RIN3: variants seen among roughly 807,000 people sequenced by gnomAD.
RIN3 encodes the protein RAB5 interacting protein 3.
RIN3 carries 54 observed loss-of-function variants against 76.3 expected under a neutral mutation model. The observed-to-expected ratio is 0.71, with a 90% CI of 0.57 to 0.89. The LOEUF (loss-of-function observed/expected upper bound fraction) is 0.89, where lower values mean the gene tolerates loss of function less well. RIN3 is among the 40% of genes least tolerant of loss of function. The pLI is 0.00. For missense variants in RIN3, 1,256 were observed against 1,322.1 expected, an observed-to-expected ratio of 0.95 and a Z score of 0.78; for synonymous variants, 576 against 564.0, an observed-to-expected ratio of 1.02 and a Z score of -0.30.
intron 2 of RIN3, among the ~76,000 whole-genome samples, chr14:92,558,887 C>CT (rs61202055): frequency 0.34 from 43,973 of 130,538 alleles, 8,724 homozygotes; most frequent in East Asian, 0.77. Context: ...CTTTTCTTTT[C>CT]TTTTTTTTTT....
intron 2 of RIN3, among the ~76,000 whole-genome samples, chr14:92,574,624 C>T (rs1334462936): frequency 3.3e-5 from 5 of 152,174 alleles, no homozygotes; most frequent in Non-Finnish European, 4.4e-5. Context: ...GACTCTGTTA[C>T]CCTCACTATC....
Position 92,653,113 on chromosome 14 carries a change from C to T in RIN3, c.2026+38C>T, listed in dbSNP as rs377592011. Reference sequence around the variant, plus strand: ...GGAGGAGGTGGCAGGGAGGAGAGGGCGGTGGGGCTCACAGACTCAGGAACC... The same window carrying T: ...GGAGGAGGTGGCAGGGAGGAGAGGGTGGTGGGGCTCACAGACTCAGGAACC... On this transcript the variant is annotated intron_variant, in intron 6 of 9. Coordinates refer to ENST00000216487, the MANE Select transcript of RIN3 (RefSeq NM_024832.5). 26 of 1,561,078 alleles carry T rather than the reference C, an allele frequency of 1.7e-5. No homozygotes were observed. The African/African-American group carries it at 1.8e-4, about 11-fold the overall frequency.
intron 4 of RIN3, among the ~76,000 whole-genome samples, chr14:92,630,020 C>T (rs922192799): frequency 6.6e-6 from 1 of 152,174 alleles, no homozygotes; most frequent in Admixed American, 6.5e-5. Context: ...GTGGAAGAAG[C>T]CTAACAGTGT....
In RIN3 at chr14:92,688,522, G is replaced by A. The variant is rs529695851; in HGVS notation, c.*270G>A. ...TGAGGCTCAGGAGAGAGGCGCTCCA[G>A]GCCGCTGCAGCCAACAAACCGGCGC... On this transcript the variant is annotated 3_prime_UTR_variant, in exon 10 of 10. Coordinates refer to ENST00000216487, the MANE Select transcript of RIN3 (RefSeq NM_024832.5). The A allele has an allele frequency of 2.0e-6, 1 of 510,548 alleles. No homozygotes were observed. Among genetic ancestry groups the A allele is most frequent in the African/African-American group, 2.0e-5 (1 of 50,058 alleles). The allele number at this position is 510,548 out of a possible 1,614,324, so 31.6% of individuals were successfully genotyped here.
chr14:92,687,606 A>C, intron 9 of RIN3: 1 of 384,548 alleles, frequency 2.6e-6, no homozygotes, highest in Non-Finnish European at 4.7e-6. Flanking sequence ...GGAGGGAGGG[A>C]GGGAGGGAAT....
intron 1 of RIN3, among the ~76,000 whole-genome samples, chr14:92,543,259 G>A (rs1230744944): frequency 6.6e-6 from 1 of 152,058 alleles, no homozygotes; most frequent in African/African-American, 2.4e-5. Flanking sequence ...GGCTTTATGG[G>A]GGGTGGGGGG....
chr14:92,641,817 G>C, intron 5 of RIN3, among the ~76,000 whole-genome samples: 1 of 152,236 alleles, frequency 6.6e-6, no homozygotes, highest in Non-Finnish European at 1.5e-5. Flanking sequence ...GAGGGGTAAA[G>C]AGGGGAGAGG....
intron 1 of RIN3, among the ~76,000 whole-genome samples, chr14:92,531,866 G>A (rs1896889008): frequency 1.3e-5 from 2 of 151,004 alleles, no homozygotes; most frequent in South Asian, 2.1e-4. Context: ...CGCCCCCCTA[G>A]TTATTTTAAA....
intron 2 of RIN3, among the ~76,000 whole-genome samples, chr14:92,573,914 G>A (rs969711901): frequency 6.6e-6 from 1 of 152,198 alleles, no homozygotes; most frequent in Non-Finnish European, 1.5e-5. Flanking sequence ...TCCAAGTAGG[G>A]TGACAATTTG....
At chr14:92,540,226 C>A (rs1897101293) in intron 1 of RIN3, among the ~76,000 whole-genome samples, 3 of 152,202 alleles carry the variant, frequency 2.0e-5, no homozygotes. Flanking sequence ...GTCCGGAAGA[C>A]CTGCCTAAAC....
At chr14:92,679,401 C>T (rs1037608473) in intron 8 of RIN3, among the ~76,000 whole-genome samples, 1 of 152,238 alleles carries the variant, frequency 6.6e-6, no homozygotes, top group Non-Finnish European at 1.5e-5. Context: ...CGGGCACATC[C>T]CTGCACCTCT....
rs1336180033 is a variant in RIN3, at chr14:92,652,144, C to T, written c.1095C>T (p.Ser365=). 1 of 1,604,818 alleles carries T rather than the reference C, an allele frequency of 6.2e-7. No homozygotes were observed. The highest frequency in any genetic ancestry group is 1.3e-5 in the African/African-American group (1 of 74,886). ...AAGCGATGAAGCCAGGGGCAGCCTC[C>T]AGTCCCTTGCAGCAGGTCCCCGCCC... ...REEAMKPGAA[S]SPLQQVPAPP... is the part of the protein sequence containing the mutation. The change falls in exon 6 of 10, where the codon TCC becomes TCT. Residue 365 remains serine (S), a synonymous_variant. Coordinates refer to ENST00000216487, the MANE Select transcript of RIN3 (RefSeq NM_024832.5). This position sits in a 1 kb window ranked among gnomAD's most constrained non-coding sequence, Gnocchi z 6.4.
Position 92,572,877 on chromosome 14 carries a change from C to CTTT in RIN3, c.250-4463_250-4461dup, listed in dbSNP as rs763771909. Among the ~76,000 whole-genome samples, 922 of 99,988 alleles carry CTTT rather than the reference C, an allele frequency of 9.2e-3. 14 individuals are homozygous for CTTT. The highest frequency in any genetic ancestry group is 0.012 in the African/African-American group (273 of 23,058). The allele number at this position is 99,988 out of a possible 152,430, so 65.6% of individuals were successfully genotyped here. A position where few individuals can be genotyped will look rare whatever the true frequency, so the allele number is the denominator to read the frequency against. ...TGTAGAAGGGTGACTCTTTTTTTTGCTTTTTTTTTTTTTTTTTTTTTTGAG... is the reference window on the plus strand; with the variant it reads ...TGTAGAAGGGTGACTCTTTTTTTTGCTTTTTTTTTTTTTTTTTTTTTTTTTGAG... On this transcript the variant is annotated intron_variant, in intron 2 of 9. Transcript: ENST00000216487.
intron 4 of RIN3, among the ~76,000 whole-genome samples, chr14:92,639,103 C>G (rs1886884925): frequency 6.6e-6 from 1 of 152,214 alleles, no homozygotes; most frequent in East Asian, 1.9e-4. Context: ...AGCCTTGGAG[C>G]CTCGTGGTGA....
intron 7 of RIN3, among the ~76,000 whole-genome samples, chr14:92,667,312 A>G (rs1888140143): frequency 6.6e-6 from 1 of 152,116 alleles, no homozygotes; most frequent in Admixed American, 6.6e-5. Context: ...GGAGTTCAAG[A>G]CCAAGACCAG....
At chr14:92,579,979 A>G (rs1357667922) in intron 3 of RIN3, among the ~76,000 whole-genome samples, 2 of 152,226 alleles carry the variant, frequency 1.3e-5, no homozygotes, top group African/African-American at 4.8e-5. Flanking sequence ...TTGAAGGTTA[A>G]TCTTCTAGCC....
intron 3 of RIN3, among the ~76,000 whole-genome samples, chr14:92,603,274 A>T (rs1885409173): frequency 6.6e-6 from 1 of 152,198 alleles, no homozygotes. Flanking sequence ...AAGAGAAAGG[A>T]TGCTTTTTTT....
At chr14:92,525,554 G>A (rs1477378448) in intron 1 of RIN3, among the ~76,000 whole-genome samples, 1 of 152,172 alleles carries the variant, frequency 6.6e-6, no homozygotes, top group African/African-American at 2.4e-5. Flanking sequence ...AGGGCCTCTG[G>A]GAGAGGGAAT....
chr14:92,609,186 C>T (rs1008843476), intron 3 of RIN3, among the ~76,000 whole-genome samples: 8 of 152,164 alleles, frequency 5.3e-5, no homozygotes, highest in African/African-American at 1.4e-4. Flanking sequence ...AAAACAAAAA[C>T]ACCTAATCGC....
Sources: gnomAD v4.1 joint callset for allele counts (sites outside exome capture counted in the v4.1 genomes callset) on GRCh38, gnomAD v4.1.1 for gene constraint, Gnocchi (gnomAD v3.1) non-coding constraint, MANE v1.5 for transcripts, NCBI Gene and HGNC (gene_info 2026-07-23, HGNC 2026-07-21) for gene names.